Variants in PRH1 observed in about 807,000 individuals in gnomAD.
PRH1 encodes the protein proline rich protein HaeIII subfamily 1.
In PRH1, 7 loss-of-function variants were observed where a neutral mutation model predicts 7.9. The ratio of observed to expected loss-of-function variants is 0.89; its 90% CI spans 0.50 to 1.67. PRH1 has a LOEUF of 1.67. Among genes scored for constraint, PRH1 ranks in the 40% most tolerant of loss-of-function variants. The pLI is 0.00. For synonymous variants in PRH1, 45 were observed against 80.8 expected, an observed-to-expected ratio of 0.56 and a Z score of 2.38; for missense variants, 109 against 223.6, an observed-to-expected ratio of 0.49 and a Z score of 3.27.
intron 1 of PRH1, among the ~76,000 whole-genome samples, chr12:11,076,172 T>C (rs796389395): frequency 0.055 from 1,352 of 24,384 alleles, 493 homozygotes; most frequent in Non-Finnish European, 0.14. Context: ...AACACAGTCA[T>C]GCAGAATTTA....
intron 1 of PRH1, among the ~76,000 whole-genome samples, chr12:11,007,875 C>T (rs185235133): frequency 6.6e-6 from 1 of 151,960 alleles, no homozygotes; most frequent in Non-Finnish European, 1.5e-5. Flanking sequence ...CCAGAGTGAT[C>T]CACCCAAACC....
At chr12:10,897,507 A>C (rs1238586992) in intron 2 of PRH1, among the ~76,000 whole-genome samples, 1 of 152,200 alleles carries the variant, frequency 6.6e-6, no homozygotes, top group Non-Finnish European at 1.5e-5. Flanking sequence ...CTTTAAGTGA[A>C]TTAGTCTATT....
intron 1 of PRH1, among the ~76,000 whole-genome samples, chr12:11,083,917 TTG>T (rs368552891): frequency 2.6e-5 from 3 of 113,604 alleles, no homozygotes; most frequent in African/African-American, 5.8e-5. Flanking sequence ...TGTAAACATG[TTG>T]CTCTAGTTGG....
chr12:11,144,566 C>A (rs34685506), intron 1 of PRH1, among the ~76,000 whole-genome samples: 69,203 of 152,042 alleles, frequency 0.46, 16,558 homozygotes, highest in Non-Finnish European at 0.53. Context: ...CAGCCTGTGA[C>A]GTCTGCATGC....
chr12:11,017,658 T>C (rs919873028), intron 1 of PRH1, among the ~76,000 whole-genome samples: 6 of 151,918 alleles, frequency 3.9e-5, no homozygotes, highest in Admixed American at 1.3e-4. Context: ...CTAAATTTTT[T>C]TGTATTTTTT....
intron 2 of PRH1, among the ~76,000 whole-genome samples, chr12:10,892,307 A>G (rs116318978): frequency 0.013 from 2,008 of 152,354 alleles, 51 homozygotes; most frequent in African/African-American, 0.045. Flanking sequence ...AAGATTGTAG[A>G]GTATTCTGAA....
chr12:11,149,424 C>G (rs1946988765), intron 1 of PRH1, among the ~76,000 whole-genome samples: 1 of 152,044 alleles, frequency 6.6e-6, no homozygotes, highest in Admixed American at 6.6e-5. Flanking sequence ...AACTATACTA[C>G]AAGGCTACAG....
rs1176589290 is a variant in PRH1, at chr12:11,081,542, T to A, written n.124-34354A>T. Among the ~76,000 whole-genome samples, 3 of 116,186 alleles carry A rather than the reference T, an allele frequency of 2.6e-5. 1 individual carries two copies. Among genetic ancestry groups the A allele is most frequent in the African/African-American group, 8.6e-5 (3 of 34,772 alleles). 76.2% of individuals were successfully genotyped at this position (116,186 alleles called of 152,430 possible). ...CTTTGTTCTGGAATTTACCTTCAAT[T>A]TGAAAGAAACTAGAAATTAAGTTGA... On this transcript the variant is annotated intron_variant and non_coding_transcript_variant, in intron 1 of 4. Transcript: ENST00000541977.
chr12:11,050,931 T>C (rs1056032705), upstream of PRH1, among the ~76,000 whole-genome samples: 7 of 152,298 alleles, frequency 4.6e-5, no homozygotes, highest in Non-Finnish European at 1.0e-4. Flanking sequence ...AGAATGCCAC[T>C]GCTTTATCCA....
intron 1 of PRH1, among the ~76,000 whole-genome samples, chr12:11,065,990 A>G (rs1346043884): frequency 7.2e-5 from 11 of 152,194 alleles, no homozygotes; most frequent in Non-Finnish European, 1.3e-4. Flanking sequence ...TATCTCAACC[A>G]CAGCTCCACC....
intron 1 of PRH1, among the ~76,000 whole-genome samples, chr12:11,131,327 C>CAG (rs5796422): frequency 0.46 from 69,067 of 151,436 alleles, 16,479 homozygotes; most frequent in Non-Finnish European, 0.53. Flanking sequence ...TGGCTGCCAG[C>CAG]AGTCATACCA....
intron 1 of PRH1, among the ~76,000 whole-genome samples, chr12:11,043,314 T>A (rs1342895227): frequency 6.6e-6 from 1 of 152,130 alleles, no homozygotes; most frequent in Admixed American, 6.5e-5. Context: ...AAAAATCATA[T>A]AGAAAGACCC....
intron 1 of PRH1, among the ~76,000 whole-genome samples, chr12:11,150,602 T>C (rs992690408): frequency 4.0e-5 from 6 of 151,784 alleles, no homozygotes; most frequent in Admixed American, 2.0e-4. Flanking sequence ...TTCTCACTCA[T>C]AGGTGGGAAT....
chr12:10,911,556 T>A (rs1949899627), intron 2 of PRH1, among the ~76,000 whole-genome samples: 1 of 152,202 alleles, frequency 6.6e-6, no homozygotes, highest in African/African-American at 2.4e-5. Flanking sequence ...ATGTAAAGTA[T>A]TTTTTAAGTC....
intron 2 of PRH1, among the ~76,000 whole-genome samples, chr12:10,905,734 T>TAA (rs1057353098): frequency 6.7e-6 from 1 of 150,344 alleles, no homozygotes; most frequent in Non-Finnish European, 1.5e-5. Context: ...ATGTAGCCAT[T>TAA]AAAAAAAAAT....
chr12:10,886,969 T>A (rs1367641163), upstream of PRH1, among the ~76,000 whole-genome samples: 3 of 152,182 alleles, frequency 2.0e-5, no homozygotes, highest in African/African-American at 7.2e-5. Context: ...TCATCCCATA[T>A]CAGTTCCCTC....
intron 1 of PRH1, among the ~76,000 whole-genome samples, chr12:10,988,353 A>T (rs1939755861): frequency 6.6e-6 from 1 of 152,038 alleles, no homozygotes; most frequent in Admixed American, 6.5e-5. Flanking sequence ...ATAGATGGGG[A>T]GTGGCAAAGT....
Position 11,129,135 on chromosome 12 carries a change from G to A in PRH1, n.40-7955C>T, listed in dbSNP as rs113244549. Among the ~76,000 whole-genome samples, 606 of 152,342 alleles carry A rather than the reference G, an allele frequency of 4.0e-3. 3 individuals are homozygous for A. Among genetic ancestry groups the A allele is most frequent in the Non-Finnish European group, 6.5e-3 (443 of 68,028 alleles). Reference sequence around the variant, plus strand: ...ACGGAGTTTCCATATGATGCACAGGGAACTCCTGCTCTCAAGGGATCTTCA... The same window carrying A: ...ACGGAGTTTCCATATGATGCACAGGAAACTCCTGCTCTCAAGGGATCTTCA... On this transcript the variant is annotated intron_variant and non_coding_transcript_variant, in intron 1 of 1. Transcript: ENST00000541175.
At chr12:10,959,457 G>C (rs1457302075) in intron 2 of PRH1, among the ~76,000 whole-genome samples, 1 of 151,954 alleles carries the variant, frequency 6.6e-6, no homozygotes, top group Non-Finnish European at 1.5e-5. Flanking sequence ...GGAGTTAAAA[G>C]AGAAGGAAAA....
Sources: allele counts gnomAD v4.1 joint callset (sites outside exome capture counted in the v4.1 genomes callset), GRCh38; gene constraint gnomAD v4.1.1; transcripts MANE v1.5; gene names NCBI Gene and HGNC (gene_info 2026-07-23, HGNC 2026-07-21).